Variants in PPM1E observed in about 807,000 individuals in gnomAD.
PPM1E encodes protein phosphatase 1E.
PPM1E carries 20 observed loss-of-function variants against 65.9 expected under a neutral mutation model. That is an observed-to-expected ratio of 0.30 (90% CI 0.21 to 0.44). The LOEUF (loss-of-function observed/expected upper bound fraction) is 0.44, where lower values mean the gene tolerates loss of function less well. Ranked by LOEUF, PPM1E falls within the 20% of genes least tolerant of loss-of-function variation. The probability of loss-of-function intolerance (pLI) is 1.00; values close to 1 mark genes in which losing one functional copy is unlikely to be tolerated. For synonymous variants in PPM1E, 352 were observed against 374.9 expected (o/e 0.94, Z 0.70); for missense variants, 713 against 953.1 (o/e 0.75, Z 3.32).
At position 58,756,296 on chromosome 17, in the gene PPM1E, A is replaced by G. The variant is rs2144116915; in HGVS notation, c.299A>G (p.Glu100Gly). 6 of 1,515,266 alleles carry G rather than the reference A, an allele frequency of 4.0e-6. No homozygotes were observed. The highest frequency in any genetic ancestry group is 5.3e-6 in the Non-Finnish European group (6 of 1,131,996). 93.9% of individuals were successfully genotyped at this position (1,515,266 alleles called of 1,614,324 possible). ...EAAVEGEEEE[E>G]GAATAAAAPG... is the part of the protein sequence containing the mutation. Reference sequence around the variant, plus strand: ...GCGGTTGAGGGTGAGGAGGAGGAGGAGGGCGCGGCGACGGCGGCGGCAGCC... The same window carrying G: ...GCGGTTGAGGGTGAGGAGGAGGAGGGGGGCGCGGCGACGGCGGCGGCAGCC... The change falls in exon 1 of 7, where the codon GAG becomes GGG. Residue 100 changes from glutamate to glycine, a missense_variant. Glu to Gly is a moderately conservative substitution (Grantham distance 98). This residue lies in a region of PPM1E where 212 missense variants were observed against 204.0 expected (regional missense o/e 1.04). Coordinates refer to ENST00000308249, the MANE Select transcript of PPM1E (RefSeq NM_014906.5).
At chr17:58,804,876 T>A (rs58590144) in intron 1 of PPM1E, among the ~76,000 whole-genome samples, 6,167 of 152,238 alleles carry the variant, frequency 0.041, 253 homozygotes, top group African/African-American at 0.1. Flanking sequence ...CATTTTTATA[T>A]GTTGGGAACA....
At chr17:58,903,906 T>A (rs2051525352) in intron 1 of PPM1E, among the ~76,000 whole-genome samples, 1 of 152,170 alleles carries the variant, frequency 6.6e-6, no homozygotes, top group Admixed American at 6.5e-5. Context: ...AAATATATAA[T>A]TGTGGAGGAC....
At chr17:58,891,051 A>T (rs1276193384) in intron 1 of PPM1E, among the ~76,000 whole-genome samples, 1 of 152,054 alleles carries the variant, frequency 6.6e-6, no homozygotes, top group South Asian at 2.1e-4. Context: ...GCTCACTGCA[A>T]CCTCTGCCTC....
intron 1 of PPM1E, among the ~76,000 whole-genome samples, chr17:58,864,364 G>A (rs1020080531): frequency 5.9e-5 from 9 of 152,144 alleles, no homozygotes; most frequent in Middle Eastern, 3.2e-3. Context: ...AATCTGGTCC[G>A]GTGCGGTGGC....
intron 1 of PPM1E, among the ~76,000 whole-genome samples, chr17:58,828,201 A>G (rs1323140911): frequency 6.6e-6 from 1 of 151,340 alleles, no homozygotes; most frequent in Non-Finnish European, 1.5e-5. Flanking sequence ...CCTGGGCAAT[A>G]CAGTCTCAAT....
chr17:58,975,209 A>G (rs2030920956), intron 6 of PPM1E, among the ~76,000 whole-genome samples: 3 of 152,242 alleles, frequency 2.0e-5, no homozygotes, highest in African/African-American at 7.2e-5. Flanking sequence ...AACTCAAACC[A>G]AACACCTATT....
intron 1 of PPM1E, among the ~76,000 whole-genome samples, chr17:58,863,381 G>A (rs7215808): frequency 3.9e-5 from 6 of 152,130 alleles, no homozygotes; most frequent in Admixed American, 2.6e-4. Flanking sequence ...ATGCTGGAAC[G>A]AGCCGGCCAC....
At chr17:58,805,969 AAAAAC>A (rs1567838808) in intron 1 of PPM1E, among the ~76,000 whole-genome samples, 8 of 118,370 alleles carry the variant, frequency 6.8e-5, no homozygotes, top group South Asian at 3.1e-4. Context: ...AACAAAAAAA[AAAAAC>A]AAAAAAAAAA....
rs145335794 is a variant in PPM1E, at chr17:58,831,978, G to A, written c.464+75517G>A. ...TCTGTGATAGGCACTGTGTTCCAAG[G>A]CAGCTCATTTCCTCTTTGGTAAGCA... On this transcript the variant is annotated intron_variant, in intron 1 of 6. Coordinates refer to ENST00000308249, the MANE Select transcript of PPM1E (RefSeq NM_014906.5). Among the ~76,000 whole-genome samples, 73 of 152,228 alleles carry A rather than the reference G, an allele frequency of 4.8e-4. 1 individual carries two copies. The highest frequency in any genetic ancestry group is 1.7e-3 in the African/African-American group (70 of 41,518).
chr17:58,869,921 G>A (rs1393766643), intron 1 of PPM1E, among the ~76,000 whole-genome samples: 2 of 152,206 alleles, frequency 1.3e-5, no homozygotes, highest in African/African-American at 4.8e-5. Context: ...ATTGATATAA[G>A]TCAGAGAATC....
chr17:58,906,060 A>T (rs1598641862), intron 1 of PPM1E, among the ~76,000 whole-genome samples: 2 of 152,266 alleles, frequency 1.3e-5, no homozygotes, highest in Non-Finnish European at 2.9e-5. Context: ...CAAGGAATTG[A>T]TTCATTTCAT....
intron 1 of PPM1E, among the ~76,000 whole-genome samples, chr17:58,947,475 G>C (rs1307698951): frequency 1.3e-5 from 2 of 150,840 alleles, no homozygotes; most frequent in Admixed American, 6.6e-5. Context: ...GGTCTCAGGT[G>C]ATCCACCCAC....
intron 1 of PPM1E, among the ~76,000 whole-genome samples, chr17:58,850,163 T>C (rs1317287433): frequency 1.3e-5 from 2 of 152,176 alleles, no homozygotes; most frequent in African/African-American, 2.4e-5. Context: ...TTTGAGCCTA[T>C]GTGTGTCTCT....
chr17:58,872,744 G>A (rs1218895291), intron 1 of PPM1E, among the ~76,000 whole-genome samples: 1 of 152,182 alleles, frequency 6.6e-6, no homozygotes, highest in East Asian at 1.9e-4. Flanking sequence ...CCCCAAACAC[G>A]TGGGAGCAAG....
intron 1 of PPM1E, among the ~76,000 whole-genome samples, chr17:58,893,086 C>T (rs1333637880): frequency 3.9e-5 from 6 of 152,122 alleles, no homozygotes; most frequent in Admixed American, 3.9e-4. Context: ...ACCATATGAT[C>T]CAGCAATCAT....
chr17:58,811,974 A>G (rs1420301515), intron 1 of PPM1E, among the ~76,000 whole-genome samples: 2 of 152,058 alleles, frequency 1.3e-5, no homozygotes, highest in Admixed American at 6.6e-5. Flanking sequence ...CGGCCAATTT[A>G]TGCTGTTTTT....
At chr17:58,833,313 C>A (rs2050622954) in intron 1 of PPM1E, among the ~76,000 whole-genome samples, 1 of 149,490 alleles carries the variant, frequency 6.7e-6, no homozygotes, top group South Asian at 2.2e-4. Context: ...TACTTTGAGA[C>A]TGTTATGTAA....
At chr17:58,934,503 A>G (rs2051950064) in intron 1 of PPM1E, among the ~76,000 whole-genome samples, 1 of 152,202 alleles carries the variant, frequency 6.6e-6, no homozygotes, top group African/African-American at 2.4e-5. Context: ...GAAAAATAGT[A>G]GTTTACCCAT....
chr17:58,826,258 C>G (rs1203644664), intron 1 of PPM1E, among the ~76,000 whole-genome samples: 1 of 147,548 alleles, frequency 6.8e-6, no homozygotes, highest in Non-Finnish European at 1.5e-5. Flanking sequence ...GATGGCTCCA[C>G]TGCACTCCAG....
Sources: allele counts gnomAD v4.1 joint callset (sites outside exome capture counted in the v4.1 genomes callset), GRCh38; gene constraint gnomAD v4.1.1; regional missense constraint gnomAD v4.1.1; transcripts MANE v1.5; gene names NCBI Gene and HGNC (gene_info 2026-07-23, HGNC 2026-07-21).